The following PPP1R9A variants were observed in gnomAD, a reference collection of about 807,000 sequenced individuals.
The protein encoded by PPP1R9A is protein phosphatase 1 regulatory subunit 9A, also known as neurabin-1.
A neutral mutation model predicts 141.9 loss-of-function variants in PPP1R9A; 59 were observed. The observed-to-expected ratio is 0.42, with a 90% CI of 0.34 to 0.52. The LOEUF is 0.52. Among genes scored for constraint, PPP1R9A ranks in the 20% least tolerant of loss-of-function variants. The pLI, the probability that PPP1R9A is intolerant of heterozygous loss-of-function variation, is 0.10. For missense variants in PPP1R9A, 1,444 were observed against 1,611.9 expected (o/e 0.90, Z 1.78); for synonymous variants, 500 against 569.7 (o/e 0.88, Z 1.74).
chr7:95,151,790 A>T (rs1828718495), intron 4 of PPP1R9A, among the ~76,000 whole-genome samples: 1 of 152,026 alleles, frequency 6.6e-6, no homozygotes, highest in East Asian at 1.9e-4. Flanking sequence ...TTCTGAACAT[A>T]AAAAAACTCT....
intron 16 of PPP1R9A, among the ~76,000 whole-genome samples, chr7:95,274,865 A>G (rs1802873148): frequency 6.6e-6 from 1 of 152,198 alleles, no homozygotes; most frequent in African/African-American, 2.4e-5. Flanking sequence ...AATCTTGGGC[A>G]AGTGAGTTAC....
In PPP1R9A at chr7:95,250,085, A is replaced by G. The variant is rs767215941; in HGVS notation, c.2226A>G (p.Gln742=). 1.9e-6 allele frequency: 3 copies of G among 1,613,194 alleles called. No individual in the cohort carries two copies. Among genetic ancestry groups the G allele is most frequent in the South Asian group, 2.2e-5 (2 of 90,728 alleles). ...AACTAGAAAAAACCCAACTCCAACA[A>G]AACATAGAAGAGAATAAGGAAAGAA... The part of the protein sequence containing the change: ...RWELEKTQLQ[Q]NIEENKERML... The change falls in exon 10 of 20, where the codon CAA becomes CAG. Residue 742 remains glutamine (Q), a synonymous_variant. Transcript: ENST00000433360.
At chr7:95,092,116 A>G (rs973625286) in intron 2 of PPP1R9A, among the ~76,000 whole-genome samples, 2 of 152,156 alleles carry the variant, frequency 1.3e-5, no homozygotes, top group Non-Finnish European at 2.9e-5. Flanking sequence ...TTTGAACAGA[A>G]TTGAAGGAAA....
intron 2 of PPP1R9A, among the ~76,000 whole-genome samples, chr7:95,057,351 C>G (rs542566305): frequency 6.6e-6 from 1 of 151,930 alleles, no homozygotes; most frequent in Non-Finnish European, 1.5e-5. Flanking sequence ...AAATTGTCTC[C>G]GTAGTAATTA....
rs1026384815 is a variant in PPP1R9A at position 95,291,008 on chromosome 7, G to T, written c.*705G>T. 4 of 152,188 alleles carry T rather than the reference G, an allele frequency of 2.6e-5. No homozygotes were observed. Among genetic ancestry groups the T allele is most frequent in the African/African-American group, 7.2e-5 (3 of 41,416 alleles). The allele number at this position is 152,188 out of a possible 1,614,324, so 9.4% of individuals were successfully genotyped here. On this transcript the variant is annotated 3_prime_UTR_variant, in exon 20 of 20. Coordinates refer to ENST00000433360, the MANE Select transcript of PPP1R9A (RefSeq NM_001166160.2). ...ATGTGGATGTGGGTATTACCTTGGG[G>T]TTCTGAGGGTAATATTTATCCTCTA...
rs145554837 is a variant in PPP1R9A at position 95,043,425 on chromosome 7, G to A, written c.1396-67834G>A. Among the ~76,000 whole-genome samples, 387 of 152,302 alleles carry A rather than the reference G, an allele frequency of 2.5e-3. 4 individuals carry two copies. The highest frequency in any genetic ancestry group is 8.8e-3 in the African/African-American group (364 of 41,556). ...TAAAAACTTGTACATGATGTTTTGTGTGGAGTCCTGATAAGTAAGCAACAA... is the reference window on the plus strand; with the variant it reads ...TAAAAACTTGTACATGATGTTTTGTATGGAGTCCTGATAAGTAAGCAACAA... On this transcript the variant is annotated intron_variant, in intron 2 of 19. Coordinates refer to ENST00000433360, the MANE Select transcript of PPP1R9A (RefSeq NM_001166160.2).
intron 2 of PPP1R9A, among the ~76,000 whole-genome samples, chr7:95,060,545 G>T (rs1246389921): frequency 6.6e-6 from 1 of 152,176 alleles, no homozygotes; most frequent in Non-Finnish European, 1.5e-5. Context: ...ACTGAGGTCT[G>T]CTGTTTATAT....
intron 3 of PPP1R9A, among the ~76,000 whole-genome samples, chr7:95,119,981 G>T (rs2152481836): frequency 7.5e-6 from 1 of 132,576 alleles, no homozygotes; most frequent in East Asian, 2.2e-4. Flanking sequence ...TTTTGAGATG[G>T]AGTCTCGCTT....
chr7:95,116,761 C>G (rs939823968), intron 3 of PPP1R9A, among the ~76,000 whole-genome samples: 9 of 151,996 alleles, frequency 5.9e-5, no homozygotes, highest in African/African-American at 9.7e-5. Flanking sequence ...TTCCAAATAT[C>G]TAAATATAAT....
intron 2 of PPP1R9A, among the ~76,000 whole-genome samples, chr7:95,066,648 G>T (rs967586657): frequency 1.3e-5 from 2 of 152,088 alleles, no homozygotes; most frequent in Non-Finnish European, 2.9e-5. Flanking sequence ...AAAGTTAGGA[G>T]AATTTCCCAA....
chr7:94,911,024 A>G lies in PPP1R9A; in HGVS notation c.911A>G (p.Glu304Gly), dbSNP rs921214126. 52 of 1,614,064 alleles carry G rather than the reference A, an allele frequency of 3.2e-5. No individual in the cohort carries two copies. The highest frequency in any genetic ancestry group is 4.3e-5 in the Non-Finnish European group (51 of 1,180,030). ...GAGATCCAGCAGAGCAAGGAACCCG[A>G]GGACTCCACATCTAATCAACAGACT... ...GEEIQQSKEPEDSTSNQQTPD... is the reference protein window; with the variant it reads ...GEEIQQSKEPGDSTSNQQTPD... The change falls in exon 2 of 20, where the codon GAG (glutamate) becomes GGG (glycine). Residue 304 changes from glutamate to glycine, a missense_variant. Physicochemically the swap from Glu to Gly is moderately conservative, Grantham distance 98. Coordinates refer to ENST00000433360, the MANE Select transcript of PPP1R9A (RefSeq NM_001166160.2).
chr7:94,977,669 T>C (rs1191114843), intron 2 of PPP1R9A, among the ~76,000 whole-genome samples: 2 of 152,064 alleles, frequency 1.3e-5, no homozygotes, highest in African/African-American at 2.4e-5. Context: ...ATGGTTGGGA[T>C]ATGAGGCCAA....
intron 17 of PPP1R9A, among the ~76,000 whole-genome samples, chr7:95,284,799 T>C (rs1228983759): frequency 1.3e-5 from 2 of 152,204 alleles, no homozygotes; most frequent in Non-Finnish European, 2.9e-5. Flanking sequence ...TGCATGGGTG[T>C]TACTTGTTTT....
chr7:95,201,484 A>C (rs576999470), intron 6 of PPP1R9A, among the ~76,000 whole-genome samples: 3 of 152,162 alleles, frequency 2.0e-5, no homozygotes, highest in African/African-American at 7.2e-5. Flanking sequence ...ATCCACTCCA[A>C]TGTTAAAACT....
chr7:95,196,534 T>C lies in PPP1R9A; in HGVS notation c.1755-1815T>C, dbSNP rs191245231. On this transcript the variant is annotated intron_variant, in intron 5 of 19. Transcript: ENST00000433360. The stretch of plus-strand genomic sequence containing the variant: ...TGTTCACAAATGTTTATAGTAACTT[T>C]CTTTATAATATCAACCCAAATGCCT... Among the ~76,000 whole-genome samples the C allele has an allele frequency of 1.1e-4, 16 of 152,304 alleles. No individual in the cohort carries two copies. The East Asian group carries it at 2.5e-3, about 24-fold the overall frequency.
chr7:94,965,101 T>C (rs1798059253), intron 2 of PPP1R9A, among the ~76,000 whole-genome samples: 1 of 152,164 alleles, frequency 6.6e-6, no homozygotes, highest in African/African-American at 2.4e-5. Context: ...GTTTGTTGGC[T>C]GCAAAAATAT....
Position 95,292,935 on chromosome 7 carries a change from C to T in PPP1R9A, c.*2632C>T, listed in dbSNP as rs917940380. ...GTCTTGCACAATTCCTACTTTAATG[C>T]TAGTGGTTTTCAGTGTCCTTACAAT... On this transcript the variant is annotated 3_prime_UTR_variant, in exon 20 of 20. Coordinates refer to ENST00000433360, the MANE Select transcript of PPP1R9A (RefSeq NM_001166160.2). The T allele has an allele frequency of 1.3e-5, 2 of 152,170 alleles. No homozygotes were observed. The highest frequency in any genetic ancestry group is 4.8e-5 in the African/African-American group (2 of 41,450). The allele number at this position is 152,170 out of a possible 1,614,324, so 9.4% of individuals were successfully genotyped here. A position where few individuals can be genotyped will look rare whatever the true frequency, so the allele number is the denominator to read the frequency against.
chr7:95,054,585 T>C (rs893860618), intron 2 of PPP1R9A, among the ~76,000 whole-genome samples: 1 of 152,116 alleles, frequency 6.6e-6, no homozygotes, highest in African/African-American at 2.4e-5. Flanking sequence ...CCAGGTGAAG[T>C]AGAAGGTGTG....
chr7:95,145,227 G>A (rs562496993), intron 4 of PPP1R9A, among the ~76,000 whole-genome samples: 39 of 152,262 alleles, frequency 2.6e-4, no homozygotes, highest in African/African-American at 9.1e-4. Flanking sequence ...TTCTTTAGAG[G>A]AGATCACCTA....
Sources: allele counts gnomAD v4.1 joint callset (sites outside exome capture counted in the v4.1 genomes callset), GRCh38; gene constraint gnomAD v4.1.1; transcripts MANE v1.5; gene names NCBI Gene and HGNC (gene_info 2026-07-23, HGNC 2026-07-21).